The following JAM2 variants were observed in gnomAD, a reference collection of about 807,000 sequenced individuals.
The protein encoded by JAM2 is junctional adhesion molecule B.
Under a neutral mutation model 42.0 loss-of-function variants are expected in JAM2, and 17 were observed. The ratio of observed to expected loss-of-function variants is 0.40; its 90% CI spans 0.28 to 0.61. JAM2 has a LOEUF of 0.61. Ranked by LOEUF, JAM2 falls within the 20% of genes least tolerant of loss-of-function variation. The probability of loss-of-function intolerance (pLI) is 0.37; values close to 1 mark genes in which losing one functional copy is unlikely to be tolerated. For missense variants in JAM2, 319 were observed against 358.3 expected (o/e 0.89, Z 0.89); for synonymous variants, 118 against 128.6 (o/e 0.92, Z 0.56).
intron 4 of JAM2, among the ~76,000 whole-genome samples, chr21:25,696,567 T>G (rs1424578826): frequency 6.6e-6 from 1 of 152,204 alleles, no homozygotes; most frequent in African/African-American, 2.4e-5. Flanking sequence ...ACATAACAAC[T>G]AAATAGTTCT....
chr21:25,645,804 C>A (rs1048748625), intron 1 of JAM2, among the ~76,000 whole-genome samples: 2 of 152,142 alleles, frequency 1.3e-5, no homozygotes, highest in African/African-American at 4.8e-5. Flanking sequence ...GGCTACAAAC[C>A]TATACAGCAT....
At chr21:25,712,140 GT>G (rs1249578991) in intron 8 of JAM2, 199 bp from the exon 9 acceptor site, 2 of 604,218 alleles carry the variant, frequency 3.3e-6, no homozygotes, top group Non-Finnish European at 6.1e-6. Context: ...TCACACTGAT[GT>G]TTTGTTGCAT....
chr21:25,639,848 C>T lies in JAM2; in HGVS notation c.27C>T (p.Leu9=), dbSNP rs928645421. The T allele has an allele frequency of 8.2e-6, 13 of 1,593,882 alleles. No homozygotes were observed. The highest frequency in any genetic ancestry group is 1.0e-5 in the Non-Finnish European group (12 of 1,172,088). The change falls in exon 1 of 10, where the codon CTC becomes CTT. Residue 9 remains leucine, a synonymous_variant. Coordinates refer to ENST00000480456, the MANE Select transcript of JAM2 (RefSeq NM_021219.4). ...TGGCGAGGAGGAGCCGCCACCGCCTCCTCCTGCTGCTGCTGCGCTACCTGG... is the reference window on the plus strand; with the variant it reads ...TGGCGAGGAGGAGCCGCCACCGCCTTCTCCTGCTGCTGCTGCGCTACCTGG... The part of the protein sequence containing the change: MARRSRHR[L]LLLLLRYLVV...
At chr21:25,712,162 G>A in intron 8 of JAM2, 178 bp from the exon 9 acceptor site, 1 of 636,826 alleles carries the variant, frequency 1.6e-6, no homozygotes, top group South Asian at 1.6e-5. Flanking sequence ...GACTTTCTCT[G>A]TGAATATTGT....
At position 25,717,542 on chromosome 21, in the gene JAM2, A is replaced by C. The variant is rs539519151; in HGVS notation, c.*2870A>C. 7 of 1,279,052 alleles carry C rather than the reference A, an allele frequency of 5.5e-6. No individual in the cohort carries two copies. In the South Asian group the frequency reaches 1.4e-4, roughly 25 times the overall value. 79.2% of individuals were successfully genotyped at this position (1,279,052 alleles called of 1,614,324 possible). Reference sequence around the variant, plus strand: ...TTCCACAGGTGGCTTTGTTCGATTAAAGTCTACACTAATAAAAATAGCTGA... The same window carrying C: ...TTCCACAGGTGGCTTTGTTCGATTACAGTCTACACTAATAAAAATAGCTGA... On this transcript the variant is annotated 3_prime_UTR_variant, in exon 10 of 10. Coordinates refer to ENST00000480456, the MANE Select transcript of JAM2 (RefSeq NM_021219.4).
At chr21:25,667,228 T>A (rs2123341877) in intron 1 of JAM2, among the ~76,000 whole-genome samples, 1 of 152,320 alleles carries the variant, frequency 6.6e-6, no homozygotes, top group Non-Finnish European at 1.5e-5. Context: ...ACCCACCTGT[T>A]AGTCACTGAT....
intron 1 of JAM2, among the ~76,000 whole-genome samples, chr21:25,642,291 A>G (rs748712929): frequency 1.3e-4 from 20 of 152,040 alleles, no homozygotes; most frequent in Admixed American, 2.6e-4. Context: ...TGCATGGGAG[A>G]TGGGTCTCTC....
At chr21:25,666,579 C>T (rs1446636217) in intron 1 of JAM2, among the ~76,000 whole-genome samples, 1 of 152,148 alleles carries the variant, frequency 6.6e-6, no homozygotes, top group African/African-American at 2.4e-5. Flanking sequence ...CTCTGTCTCC[C>T]AGGCTGGAAT....
chr21:25,712,391 C>A lies in JAM2; in HGVS notation c.864+9C>A, dbSNP rs773645825. ...CGACAATGAGTGAAAATGTGAGTAT[C>A]TTTAAAGCATATTTATAGAATGAAT... On this transcript the variant is annotated intron_variant, in intron 9 of 9. Coordinates refer to ENST00000480456, the MANE Select transcript of JAM2 (RefSeq NM_021219.4). 3.8e-6 allele frequency: 6 copies of A among 1,561,980 alleles called. No individual in the cohort carries two copies. In the African/African-American group the frequency reaches 5.4e-5, roughly 14 times the overall value.
At position 25,698,676 on chromosome 21, in the gene JAM2, G is replaced by A; in HGVS notation, c.395-1G>A. ...AATATCATTTGACTTCCATTGTTCA[G>A]TGGCTCCAGCAGTTCCATCATGTGA... On this transcript the variant is annotated splice_acceptor_variant, in intron 4 of 9. Transcript: ENST00000480456. LOFTEE classifies it high-confidence loss of function. The A allele has an allele frequency of 6.2e-7, 1 of 1,612,972 alleles. No homozygotes were observed. Among genetic ancestry groups the A allele is most frequent in the South Asian group, 1.1e-5 (1 of 90,922 alleles).
At chr21:25,670,250 G>A (rs1215258975) in intron 1 of JAM2, among the ~76,000 whole-genome samples, 2 of 152,082 alleles carry the variant, frequency 1.3e-5, no homozygotes, top group Non-Finnish European at 2.9e-5. Flanking sequence ...TTGGGAGGCC[G>A]AGGTAGGTAG....
Position 25,696,921 on chromosome 21 carries a change from C to T in JAM2, c.395-1756C>T, listed in dbSNP as rs151072563. On this transcript the variant is annotated intron_variant, in intron 4 of 9. Coordinates refer to ENST00000480456, the MANE Select transcript of JAM2 (RefSeq NM_021219.4). Reference sequence around the variant, plus strand: ...AAATTTTGCTCTGTCTTCCAGATCACGGCTTACTACAACCTCAAACTCCTT... The same window carrying T: ...AAATTTTGCTCTGTCTTCCAGATCATGGCTTACTACAACCTCAAACTCCTT... 3.8e-3 allele frequency among the ~76,000 whole-genome samples: 581 copies of T among 152,014 alleles called. 4 individuals are homozygous for T. The highest frequency in any genetic ancestry group is 0.013 in the African/African-American group (540 of 41,476).
Position 25,660,776 on chromosome 21 carries a change from A to T in JAM2, c.67+20888A>T, listed in dbSNP as rs1216977608. Among the ~76,000 whole-genome samples the T allele has an allele frequency of 1.0e-4, 6 of 60,132 alleles. No individual in the cohort carries two copies. In the South Asian group the frequency reaches 2.7e-3, roughly 27 times the overall value. 39.4% of individuals were successfully genotyped at this position (60,132 alleles called of 152,430 possible). On this transcript the variant is annotated intron_variant, in intron 1 of 9. Transcript: ENST00000480456. ...ACAATAACCATATATATATATATAT[A>T]TATATATTTTTTTTTTTTTTTTTTT...
At position 25,688,109 on chromosome 21, in the gene JAM2, A is replaced by G. The variant is rs116601546; in HGVS notation, c.134-1757A>G. ...GATAAACCATTTCTCGACATTTTAC[A>G]TGGCCAGCGAGAGAGAGGCTGGAGT... On this transcript the variant is annotated intron_variant, in intron 2 of 9. Transcript: ENST00000480456. Among the ~76,000 whole-genome samples the G allele has an allele frequency of 4.1e-3, 630 of 152,318 alleles. 4 individuals are homozygous for G. The highest frequency in any genetic ancestry group is 0.014 in the African/African-American group (567 of 41,576).
At chr21:25,670,527 A>G (rs2123346905) in intron 1 of JAM2, among the ~76,000 whole-genome samples, 1 of 152,248 alleles carries the variant, frequency 6.6e-6, no homozygotes, top group Middle Eastern at 3.4e-3. Context: ...CCAATAGCAC[A>G]AAAACTCATT....
intron 1 of JAM2, among the ~76,000 whole-genome samples, chr21:25,676,977 T>G (rs2033512173): frequency 6.6e-6 from 1 of 152,202 alleles, no homozygotes; most frequent in Non-Finnish European, 1.5e-5. Context: ...TCCACATAAG[T>G]GACCATACAT....
chr21:25,664,362 A>T (rs2033163589), intron 1 of JAM2, among the ~76,000 whole-genome samples: 1 of 152,014 alleles, frequency 6.6e-6, no homozygotes. Context: ...CAGCCTCCCG[A>T]GTAGCTGGGG....
chr21:25,694,789 A>G (rs2033960245), intron 4 of JAM2, among the ~76,000 whole-genome samples: 1 of 151,762 alleles, frequency 6.6e-6, no homozygotes, highest in Non-Finnish European at 1.5e-5. Flanking sequence ...GCAATGAGCT[A>G]TGATTGTGCC....
intron 4 of JAM2, among the ~76,000 whole-genome samples, chr21:25,695,470 C>A (rs2033984750): frequency 1.3e-5 from 2 of 152,224 alleles, no homozygotes; most frequent in South Asian, 2.1e-4. Flanking sequence ...CATCATGGCC[C>A]GTTCTCAATG....
Sources: allele counts gnomAD v4.1 joint callset (sites outside exome capture counted in the v4.1 genomes callset), GRCh38; gene constraint gnomAD v4.1.1; transcripts MANE v1.5; gene names NCBI Gene and HGNC (gene_info 2026-07-23, HGNC 2026-07-21).